The following IL1RAPL2 variants were observed in gnomAD, a reference collection of about 807,000 sequenced individuals.
IL1RAPL2 encodes the protein X-linked interleukin-1 receptor accessory protein-like 2.
IL1RAPL2 carries 3 observed loss-of-function variants against 44.1 expected under a neutral mutation model. That is an observed-to-expected ratio of 0.07 (90% confidence interval 0.03 to 0.18). The LOEUF (loss-of-function observed/expected upper bound fraction) is 0.18, where lower values mean the gene tolerates loss of function less well. Among genes scored for constraint, IL1RAPL2 ranks in the 10% least tolerant of loss-of-function variants. IL1RAPL2 has a pLI of 1.00. For synonymous variants in IL1RAPL2, 181 were observed against 178.8 expected, an observed-to-expected ratio of 1.01 and a Z score of -0.10; for missense variants, 391 against 496.4, an observed-to-expected ratio of 0.79 and a Z score of 2.02.
At chrX:105,202,676 T>C (rs1556147387) in intron 3 of IL1RAPL2, among the ~76,000 whole-genome samples, 1 of 112,068 alleles carries the variant, frequency 8.9e-6, no homozygotes, top group Admixed American at 9.5e-5. Flanking sequence ...TCTCTTCCCA[T>C]CTAGCATAGT....
chrX:104,796,424 A>G (rs1206575690), intron 2 of IL1RAPL2, among the ~76,000 whole-genome samples: 1 of 112,315 alleles, frequency 8.9e-6, no homozygotes, highest in Non-Finnish European at 1.9e-5. Context: ...AATACAAAAC[A>G]GGAGGGTTGG....
chrX:105,173,757 G>C (rs2033446672), intron 2 of IL1RAPL2, among the ~76,000 whole-genome samples: 1 of 106,824 alleles, frequency 9.4e-6, no homozygotes, highest in African/African-American at 3.5e-5. Context: ...GTTTGAGACA[G>C]AGTTTCGCTT....
At chrX:104,906,023 C>A (rs1923988591) in intron 2 of IL1RAPL2, among the ~76,000 whole-genome samples, 1 of 109,578 alleles carries the variant, frequency 9.1e-6, no homozygotes, top group Non-Finnish European at 1.9e-5. Flanking sequence ...CCTTCACATC[C>A]CTTGTAAATT....
At chrX:104,775,761 C>T (rs1932708390) in intron 2 of IL1RAPL2, among the ~76,000 whole-genome samples, 1 of 111,031 alleles carries the variant, frequency 9.0e-6, no homozygotes, top group Admixed American at 9.6e-5. Flanking sequence ...CAAGGGAATC[C>T]TGGCATGTGT....
At chrX:105,692,802 T>C (rs183654644) in intron 6 of IL1RAPL2, among the ~76,000 whole-genome samples, 73 of 111,463 alleles carry the variant, frequency 6.5e-4, no homozygotes, top group African/African-American at 2.1e-3. Flanking sequence ...GGAAGTGACA[T>C]AATCAGGATT....
chrX:104,742,034 AG>A (rs1467971401), intron 2 of IL1RAPL2, among the ~76,000 whole-genome samples: 1 of 111,029 alleles, frequency 9.0e-6, no homozygotes, highest in Non-Finnish European at 1.9e-5. Flanking sequence ...CTAAATTATA[AG>A]CACAGAGTAA....
intron 2 of IL1RAPL2, among the ~76,000 whole-genome samples, chrX:105,091,105 C>T (rs890355772): frequency 1.2e-4 from 13 of 111,735 alleles, no homozygotes; most frequent in African/African-American, 4.2e-4. Context: ...AACAAAAACT[C>T]GTATTCTAAG....
intron 10 of IL1RAPL2, among the ~76,000 whole-genome samples, chrX:105,758,811 G>A (rs1278287470): frequency 1.8e-5 from 2 of 112,129 alleles, no homozygotes; most frequent in Non-Finnish European, 3.8e-5. Flanking sequence ...TTGCCAACAG[G>A]CATCTGAATG....
rs761510580 is a variant in IL1RAPL2, at chrX:105,463,530, C to T, written c.698-20783C>T. On this transcript the variant is annotated intron_variant, in intron 5 of 10. Coordinates refer to ENST00000372582, the MANE Select transcript of IL1RAPL2 (RefSeq NM_017416.2). ...AAAACAGGGGATTGGGCTAGATACA[C>T]TTCTCTCTCTCTGTCTGTCTCTCTG... Among the ~76,000 whole-genome samples, 18 of 99,116 alleles carry T rather than the reference C, an allele frequency of 1.8e-4. No individual in the cohort carries two copies. In the South Asian group the frequency reaches 9.1e-3, roughly 50 times the overall value. 86.1% of individuals were successfully genotyped at this position (99,116 alleles called of 115,157 possible). A position where few individuals can be genotyped will look rare whatever the true frequency, so the allele number is the denominator to read the frequency against.
chrX:104,658,779 C>A, intron 1 of IL1RAPL2, 116 bp from the exon 2 acceptor site: 2 of 488,058 alleles, frequency 4.1e-6, no homozygotes, highest in Admixed American at 3.8e-5. Context: ...GCCAGAAGAC[C>A]CCAGATTGTC....
chrX:105,198,531 T>G (rs782724083), intron 3 of IL1RAPL2, among the ~76,000 whole-genome samples: 1 of 112,568 alleles, frequency 8.9e-6, no homozygotes, highest in African/African-American at 3.2e-5. Context: ...TATTAACATC[T>G]TACATGACTA....
rs777211365 is a variant in IL1RAPL2, at chrX:105,349,956, T to TA, written c.697+82422dup. Among the ~76,000 whole-genome samples the TA allele has an allele frequency of 2.7e-5, 3 of 112,099 alleles. No homozygotes were observed. The South Asian group carries it at 1.1e-3, about 41-fold the overall frequency. On this transcript the variant is annotated intron_variant, in intron 5 of 10. Coordinates refer to ENST00000372582, the MANE Select transcript of IL1RAPL2 (RefSeq NM_017416.2). ...TTCTAAGGTAAATCAGGGCTTTGGCTAAAAAAAGCCAAACATTTCAGTCAA... is the reference window on the plus strand; with the variant it reads ...TTCTAAGGTAAATCAGGGCTTTGGCTAAAAAAAAGCCAAACATTTCAGTCAA...
At chrX:105,235,662 G>A (rs192495288) in intron 4 of IL1RAPL2, among the ~76,000 whole-genome samples, 2 of 112,236 alleles carry the variant, frequency 1.8e-5, no homozygotes, top group Admixed American at 9.4e-5. Flanking sequence ...GGAACATAAT[G>A]TTTATTATGC....
chrX:104,927,723 T>C (rs1924805561), intron 2 of IL1RAPL2, among the ~76,000 whole-genome samples: 1 of 112,086 alleles, frequency 8.9e-6, no homozygotes, highest in Non-Finnish European at 1.9e-5. Flanking sequence ...CTTTTTAGAG[T>C]GGCCTGCCGT....
At chrX:105,067,611 T>A (rs1031732728) in intron 2 of IL1RAPL2, among the ~76,000 whole-genome samples, 31 of 112,086 alleles carry the variant, frequency 2.8e-4, no homozygotes, top group African/African-American at 1.0e-3. Context: ...GAGATACAGA[T>A]AATCTTCTAT....
At position 105,765,840 on chromosome X, in the gene IL1RAPL2, T is replaced by C. The variant is rs552872112; in HGVS notation, c.1364-1124T>C. On this transcript the variant is annotated intron_variant, in intron 10 of 10. Coordinates refer to ENST00000372582, the MANE Select transcript of IL1RAPL2 (RefSeq NM_017416.2). ...ACAATATGTGCTGAATGTGACTCCT[T>C]GAAAGCAGTCTGTAACCTTGGGCAG... Among the ~76,000 whole-genome samples, 7 of 112,783 alleles carry C rather than the reference T, an allele frequency of 6.2e-5. No individual in the cohort carries two copies. The East Asian group carries it at 2.0e-3, about 32-fold the overall frequency.
chrX:105,176,833 T>C (rs1467933197), intron 2 of IL1RAPL2, among the ~76,000 whole-genome samples: 1 of 111,069 alleles, frequency 9.0e-6, no homozygotes, highest in African/African-American at 3.3e-5. Context: ...GAGGAAGTGC[T>C]CAGGGTCTGG....
At chrX:105,244,596 A>T (rs1368217478) in intron 4 of IL1RAPL2, among the ~76,000 whole-genome samples, 1 of 111,529 alleles carries the variant, frequency 9.0e-6, no homozygotes. Context: ...AGAGAACTTA[A>T]CCACGATCCC....
At chrX:105,124,679 C>G (rs899076595) in intron 2 of IL1RAPL2, among the ~76,000 whole-genome samples, 5 of 109,856 alleles carry the variant, frequency 4.6e-5, no homozygotes, top group Non-Finnish European at 9.6e-5. Context: ...CTCAGAGATC[C>G]TAGACTAACA....
Sources: gnomAD v4.1 joint callset for allele counts (sites outside exome capture counted in the v4.1 genomes callset) on GRCh38, gnomAD v4.1.1 for gene constraint, MANE v1.5 for transcripts, NCBI Gene and HGNC (gene_info 2026-07-23, HGNC 2026-07-21) for gene names.